Variants in DOK6 observed in about 807,000 individuals in gnomAD.
The protein encoded by DOK6 is docking protein 6, also known as downstream of tyrosine kinase 6.
A neutral mutation model predicts 44.0 loss-of-function variants in DOK6; 22 were observed. That is an observed-to-expected ratio of 0.50 (90% CI 0.36 to 0.71). The LOEUF (loss-of-function observed/expected upper bound fraction) is 0.71. Ranked by LOEUF, DOK6 falls within the 30% of genes least tolerant of loss-of-function variation. DOK6 has a pLI of 0.00. For synonymous variants in DOK6, 166 were observed against 145.5 expected, an observed-to-expected ratio of 1.14 and a Z score of -1.01; for missense variants, 340 against 416.4, an observed-to-expected ratio of 0.82 and a Z score of 1.60.
chr18:69,493,167 T>C (rs1199977832), intron 1 of DOK6, among the ~76,000 whole-genome samples: 1 of 152,218 alleles, frequency 6.6e-6, no homozygotes, highest in Admixed American at 6.5e-5. Flanking sequence ...ACAATATTCA[T>C]ATTCATCTTT....
intron 1 of DOK6, among the ~76,000 whole-genome samples, chr18:69,526,593 C>G (rs936411260): frequency 6.6e-6 from 1 of 152,144 alleles, no homozygotes; most frequent in Non-Finnish European, 1.5e-5. Context: ...TTTCATTTCT[C>G]TTAGATATAT....
chr18:69,677,942 C>A, intron 4 of DOK6, 89 bp downstream of exon 4: 2 of 1,484,750 alleles, frequency 1.3e-6, no homozygotes, highest in Non-Finnish European at 1.8e-6. Flanking sequence ...ATGTTTCAGA[C>A]CAATCATATT....
chr18:69,554,164 A>C (rs1029777191), intron 1 of DOK6, among the ~76,000 whole-genome samples: 2 of 152,218 alleles, frequency 1.3e-5, no homozygotes, highest in African/African-American at 4.8e-5. Flanking sequence ...CTGGAGACTA[A>C]AATGACTAAA....
At chr18:69,624,127 G>A (rs1387664766) in intron 3 of DOK6, among the ~76,000 whole-genome samples, 1 of 151,974 alleles carries the variant, frequency 6.6e-6, no homozygotes, top group Non-Finnish European at 1.5e-5. Context: ...AAATCTAAAA[G>A]CAATTCAGAA....
rs146208172 is a variant in DOK6 at position 69,570,199 on chromosome 18, T to G, written c.174+5605T>G. On this transcript the variant is annotated intron_variant, in intron 2 of 7. Transcript: ENST00000382713. ...TACACCCCTAGCCTAAAATAAAAGT[T>G]AAACAATATATTTTTTAAAAAAGCA... Among the ~76,000 whole-genome samples, 1,061 of 152,186 alleles carry G rather than the reference T, an allele frequency of 7.0e-3. 4 individuals carry two copies. Among genetic ancestry groups the G allele is most frequent in the South Asian group, 0.014 (66 of 4,822 alleles).
intron 6 of DOK6, among the ~76,000 whole-genome samples, chr18:69,744,679 C>G (rs1306105390): frequency 6.6e-6 from 1 of 152,002 alleles, no homozygotes; most frequent in South Asian, 2.1e-4. Flanking sequence ...AACCCCTGCA[C>G]TTTGGGAGGC....
chr18:69,738,437 T>C (rs567811466), intron 5 of DOK6, among the ~76,000 whole-genome samples: 2 of 152,316 alleles, frequency 1.3e-5, no homozygotes, highest in African/African-American at 4.8e-5. Flanking sequence ...TATAATCCTA[T>C]TGAATAACAA....
intron 6 of DOK6, among the ~76,000 whole-genome samples, chr18:69,745,475 T>C (rs1978955069): frequency 6.6e-6 from 1 of 152,172 alleles, no homozygotes. Flanking sequence ...AAAACAGAAG[T>C]ATTTTTTAAA....
intron 1 of DOK6, among the ~76,000 whole-genome samples, chr18:69,478,064 G>A (rs1320313574): frequency 2.0e-5 from 3 of 152,146 alleles, no homozygotes; most frequent in Non-Finnish European, 4.4e-5. Context: ...CTTAAATTGA[G>A]TGTTCAAGTA....
intron 7 of DOK6, among the ~76,000 whole-genome samples, chr18:69,831,535 C>T (rs903091514): frequency 7.2e-5 from 11 of 152,186 alleles, no homozygotes; most frequent in African/African-American, 2.7e-4. Context: ...ACTGGATCTA[C>T]ATGAAATACA....
At chr18:69,514,438 T>A (rs1981458711) in intron 1 of DOK6, among the ~76,000 whole-genome samples, 2 of 152,184 alleles carry the variant, frequency 1.3e-5, no homozygotes, top group South Asian at 4.1e-4. Flanking sequence ...CTTGAAAATT[T>A]TAATAGGATA....
chr18:69,698,625 G>A (rs2144703325), intron 5 of DOK6, 32 bp downstream of exon 5: 2 of 1,601,268 alleles, frequency 1.2e-6, no homozygotes, highest in South Asian at 1.1e-5. Flanking sequence ...AAGTGCAGGA[G>A]TTGTCTGTAT....
At chr18:69,672,069 T>C (rs1450617258) in intron 3 of DOK6, among the ~76,000 whole-genome samples, 1 of 152,190 alleles carries the variant, frequency 6.6e-6, no homozygotes, top group Non-Finnish European at 1.5e-5. Context: ...GTGTCACATC[T>C]AAACATGGGT....
At chr18:69,784,814 C>T (rs1393930307) in intron 7 of DOK6, among the ~76,000 whole-genome samples, 1 of 152,076 alleles carries the variant, frequency 6.6e-6, no homozygotes, top group Non-Finnish European at 1.5e-5. Flanking sequence ...TCAGATTTTC[C>T]ATTTTCTTGG....
At chr18:69,681,243 A>G (rs4265920) in intron 4 of DOK6, among the ~76,000 whole-genome samples, 18,559 of 152,260 alleles carry the variant, frequency 0.12, 1,311 homozygotes, top group South Asian at 0.22. Flanking sequence ...GTAGTATTCT[A>G]TCAGTATCAA....
At chr18:69,657,217 T>C (rs1985391672) in intron 3 of DOK6, among the ~76,000 whole-genome samples, 1 of 152,156 alleles carries the variant, frequency 6.6e-6, no homozygotes, top group Non-Finnish European at 1.5e-5. Flanking sequence ...ATGTGTTGGG[T>C]TGGATTATTG....
At position 69,844,314 on chromosome 18, in the gene DOK6, A is replaced by G. The variant is rs1033784659; in HGVS notation, c.*2931A>G. 1.3e-5 allele frequency: 2 copies of G among 152,206 alleles called. No homozygotes were observed. The highest frequency in any genetic ancestry group is 2.9e-5 in the Non-Finnish European group (2 of 68,044). 9.4% of individuals were successfully genotyped at this position (152,206 alleles called of 1,614,324 possible). On this transcript the variant is annotated 3_prime_UTR_variant, in exon 8 of 8. Coordinates refer to ENST00000382713, the MANE Select transcript of DOK6 (RefSeq NM_152721.6). Reference sequence around the variant, plus strand: ...GATTTGTACAGATAAATAGATGGTCACCATTTCTGCATCAGGTTGGAAGAG... The same window carrying G: ...GATTTGTACAGATAAATAGATGGTCGCCATTTCTGCATCAGGTTGGAAGAG...
intron 1 of DOK6, among the ~76,000 whole-genome samples, chr18:69,475,040 G>A (rs115513364): frequency 6.6e-6 from 1 of 151,990 alleles, no homozygotes; most frequent in African/African-American, 2.4e-5. Flanking sequence ...GTTCCAGAAG[G>A]GTACATTTTG....
intron 1 of DOK6, among the ~76,000 whole-genome samples, chr18:69,404,809 GTGTGTA>G (rs1317912054): frequency 1.4e-5 from 2 of 145,462 alleles, no homozygotes; most frequent in Non-Finnish European, 3.1e-5. Context: ...GTGTGTGTGT[GTGTGTA>G]TTCAGGTACA....
Sources: allele counts gnomAD v4.1 joint callset (sites outside exome capture counted in the v4.1 genomes callset), GRCh38; gene constraint gnomAD v4.1.1; transcripts MANE v1.5; gene names NCBI Gene and HGNC (gene_info 2026-07-23, HGNC 2026-07-21).